TMEM150C: variants seen among roughly 807,000 people sequenced by gnomAD.
TMEM150C encodes the protein transmembrane protein 150C, also known as tentonin 3.
A neutral mutation model predicts 29.9 loss-of-function variants in TMEM150C; 10 were observed. The ratio of observed to expected loss-of-function variants is 0.33; its 90% CI spans 0.21 to 0.57. The LOEUF is 0.57. Among genes scored for constraint, TMEM150C ranks in the 20% least tolerant of loss-of-function variants. The pLI is 0.88. For synonymous variants in TMEM150C, 101 were observed against 112.5 expected, an observed-to-expected ratio of 0.90 and a Z score of 0.64; for missense variants, 251 against 303.6, an observed-to-expected ratio of 0.83 and a Z score of 1.29.
At chr4:82,527,019 CTTTTTTTTTTTT>C (rs893109064) in intron 1 of TMEM150C, among the ~76,000 whole-genome samples, 86 of 74,728 alleles carry the variant, frequency 1.2e-3, no homozygotes, top group Non-Finnish European at 1.5e-3. Flanking sequence ...CATACTGGGT[CTTTTTTTTTTTT>C]TTTTTTTTTT....
At chr4:82,550,650 A>G (rs1003532296) in intron 1 of TMEM150C, among the ~76,000 whole-genome samples, 1 of 152,096 alleles carries the variant, frequency 6.6e-6, no homozygotes, top group Admixed American at 6.6e-5. Context: ...TTAGCCAGGC[A>G]TGGTGGCGGG....
intron 1 of TMEM150C, among the ~76,000 whole-genome samples, chr4:82,510,228 G>A (rs576082461): frequency 7.2e-5 from 11 of 152,202 alleles, no homozygotes; most frequent in East Asian, 3.9e-4. Flanking sequence ...GCAGTGAGCC[G>A]TGATCGCACC....
At chr4:82,534,918 A>G (rs1485006631) in intron 1 of TMEM150C, among the ~76,000 whole-genome samples, 1 of 152,232 alleles carries the variant, frequency 6.6e-6, no homozygotes, top group Non-Finnish European at 1.5e-5. Context: ...AAACTTTAGT[A>G]ATAAAAATAA....
chr4:82,512,779 T>G (rs1578134193), intron 1 of TMEM150C, among the ~76,000 whole-genome samples: 1 of 152,162 alleles, frequency 6.6e-6, no homozygotes, highest in South Asian at 2.1e-4. Flanking sequence ...ATGGTCACAA[T>G]GGCAGTTTTT....
intron 1 of TMEM150C, among the ~76,000 whole-genome samples, chr4:82,516,722 C>A (rs538802879): frequency 6.6e-6 from 1 of 152,274 alleles, no homozygotes; most frequent in Non-Finnish European, 1.5e-5. Context: ...TGCTTAGGAA[C>A]TCAGTCAGAA....
chr4:82,485,129 C>A lies in TMEM150C; in HGVS notation c.*382G>T. Reference sequence around the variant, plus strand: ...ACGAGCTGGTTCCAAGCCCTTTGGACCTGAAGGCAACGTCGGGAGTTGGCA... The same window carrying A: ...ACGAGCTGGTTCCAAGCCCTTTGGAACTGAAGGCAACGTCGGGAGTTGGCA... On this transcript the variant is annotated 3_prime_UTR_variant, in exon 8 of 8. Coordinates refer to ENST00000449862, the MANE Select transcript of TMEM150C (RefSeq NM_001080506.3). 1 of 197,956 alleles carries A rather than the reference C, an allele frequency of 5.1e-6. No individual in the cohort carries two copies. Among genetic ancestry groups the A allele is most frequent in the Non-Finnish European group, 1.0e-5 (1 of 96,508 alleles). The allele number at this position is 197,956 out of a possible 1,614,324, so 12.3% of individuals were successfully genotyped here. A position where few individuals can be genotyped will look rare whatever the true frequency, so the allele number is the denominator to read the frequency against.
At chr4:82,530,858 G>C (rs941761003) in intron 1 of TMEM150C, among the ~76,000 whole-genome samples, 6 of 152,172 alleles carry the variant, frequency 3.9e-5, no homozygotes, top group African/African-American at 1.4e-4. Flanking sequence ...GGGGAAGCAA[G>C]CACGTCTTAC....
intron 5 of TMEM150C, among the ~76,000 whole-genome samples, chr4:82,501,699 T>A (rs544335808): frequency 1.3e-5 from 2 of 152,216 alleles, no homozygotes; most frequent in South Asian, 4.1e-4. Context: ...CTGTGTTGCA[T>A]GTTGGACCAC....
At chr4:82,535,575 T>C (rs1378030875) in intron 1 of TMEM150C, among the ~76,000 whole-genome samples, 5 of 152,102 alleles carry the variant, frequency 3.3e-5, no homozygotes, top group Non-Finnish European at 7.4e-5. Context: ...CAATTCCCAG[T>C]CAGGATGTGT....
chr4:82,490,944 T>C (rs1723321731), intron 6 of TMEM150C: 3 of 726,282 alleles, frequency 4.1e-6, no homozygotes, highest in Non-Finnish European at 7.6e-6. Flanking sequence ...GGATCTGTTT[T>C]TGTAATTGGT....
chr4:82,507,725 CTCTTTTTTTTTTTTTTTTTT>C (rs1472100046), intron 1 of TMEM150C, among the ~76,000 whole-genome samples: 3 of 27,862 alleles, frequency 1.1e-4, no homozygotes, highest in East Asian at 1.5e-3. Context: ...CTCTCTCTCT[CTCTTTTTTTTTTTTTTTTTT>C]TTTTTTTTTT....
intron 1 of TMEM150C, among the ~76,000 whole-genome samples, chr4:82,550,444 A>G (rs10023527): frequency 0.96 from 145,704 of 152,226 alleles, 69,789 homozygotes; most frequent in East Asian, 1. Context: ...AGTTTGGGCA[A>G]CTGTGGGAAG....
chr4:82,541,926 G>A (rs892542627), intron 1 of TMEM150C, among the ~76,000 whole-genome samples: 2 of 152,142 alleles, frequency 1.3e-5, no homozygotes, highest in Non-Finnish European at 2.9e-5. Flanking sequence ...TTGTTTTACT[G>A]CATATGGTCT....
chr4:82,525,827 G>T (rs1724634375), intron 1 of TMEM150C, among the ~76,000 whole-genome samples: 1 of 152,060 alleles, frequency 6.6e-6, no homozygotes, highest in African/African-American at 2.4e-5. Context: ...CTTGCCCAAG[G>T]CCTGATAAAA....
chr4:82,544,168 G>A (rs887678189), intron 1 of TMEM150C, among the ~76,000 whole-genome samples: 7 of 152,080 alleles, frequency 4.6e-5, no homozygotes, highest in East Asian at 3.9e-4. Context: ...GTGCCATGTC[G>A]GTAGCAGATC....
intron 1 of TMEM150C, among the ~76,000 whole-genome samples, chr4:82,508,741 T>C (rs536311275): frequency 6.8e-4 from 104 of 152,232 alleles, no homozygotes; most frequent in Middle Eastern, 3.4e-3. Context: ...GCTGGGATTA[T>C]AGGTGTGAGC....
At chr4:82,544,533 C>A (rs188033370) in intron 1 of TMEM150C, among the ~76,000 whole-genome samples, 46 of 152,302 alleles carry the variant, frequency 3.0e-4, no homozygotes, top group Admixed American at 1.2e-3. Flanking sequence ...AATCCCAGCA[C>A]TTTGGGAGGC....
chr4:82,491,161 C>T, intron 6 of TMEM150C: 3 of 700,328 alleles, frequency 4.3e-6, no homozygotes. Context: ...GCAATCACCA[C>T]CAGCTGAGCC....
chr4:82,541,222 C>A (rs917579462), intron 1 of TMEM150C, among the ~76,000 whole-genome samples: 5 of 152,084 alleles, frequency 3.3e-5, no homozygotes, highest in Admixed American at 2.6e-4. Flanking sequence ...CTCTGTATTT[C>A]CCCAAAGTTT....
Sources: allele counts gnomAD v4.1 joint callset (sites outside exome capture counted in the v4.1 genomes callset), GRCh38; gene constraint gnomAD v4.1.1; transcripts MANE v1.5; gene names NCBI Gene and HGNC (gene_info 2026-07-23, HGNC 2026-07-21).